The following RSRC1 variants were observed in gnomAD, a reference collection of about 807,000 sequenced individuals.
The protein encoded by RSRC1 is arginine and serine rich coiled-coil 1.
A neutral mutation model predicts 49.1 loss-of-function variants in RSRC1; 39 were observed. The observed-to-expected ratio is 0.79, with a 90% CI of 0.61 to 1.04. The LOEUF is 1.04. Among genes scored for constraint, RSRC1 ranks in the 50% least tolerant of loss-of-function variants. The pLI is 0.00. For missense variants in RSRC1, 388 were observed against 402.4 expected (o/e 0.96, Z 0.31); for synonymous variants, 143 against 130.8 (o/e 1.09, Z -0.63).
intron 3 of RSRC1, among the ~76,000 whole-genome samples, chr3:158,161,726 C>T (rs1718230523): frequency 1.3e-5 from 2 of 152,176 alleles, no homozygotes; most frequent in African/African-American, 4.8e-5. Flanking sequence ...CACGCCACTG[C>T]ACTCCAGTCT....
At chr3:158,425,708 G>A (rs1490271752) in intron 6 of RSRC1, among the ~76,000 whole-genome samples, 1 of 151,912 alleles carries the variant, frequency 6.6e-6, no homozygotes, top group Non-Finnish European at 1.5e-5. Context: ...TTATTAATGT[G>A]TGGGAGTCTA....
At chr3:158,422,477 G>A (rs1050433573) in intron 6 of RSRC1, among the ~76,000 whole-genome samples, 1 of 150,994 alleles carries the variant, frequency 6.6e-6, no homozygotes, top group Non-Finnish European at 1.5e-5. Context: ...GTCTATCATT[G>A]TTGGACATTT....
At position 158,175,198 on chromosome 3, in the gene RSRC1, GT is replaced by G. The variant is rs1005997629; in HGVS notation, c.321-27866del. 4.6e-5 allele frequency among the ~76,000 whole-genome samples: 7 copies of G among 150,726 alleles called. No homozygotes were observed. The East Asian group carries it at 7.9e-4, about 17-fold the overall frequency. On this transcript the variant is annotated intron_variant, in intron 3 of 9. Coordinates refer to ENST00000611884, the MANE Select transcript of RSRC1 (RefSeq NM_001271838.2). ...TAATGATTTGTGGCAGTTTTTAAGG[GT>G]TTTTTTTCATATATTCTGGTTATAA...
intron 3 of RSRC1, among the ~76,000 whole-genome samples, chr3:158,134,527 T>G (rs1427038980): frequency 6.6e-6 from 1 of 152,208 alleles, no homozygotes; most frequent in Non-Finnish European, 1.5e-5. Flanking sequence ...TCCTTTAGAT[T>G]AGTCATTTTG....
At chr3:158,169,106 GC>G in intron 3 of RSRC1, among the ~76,000 whole-genome samples, 1 of 152,220 alleles carries the variant, frequency 6.6e-6, no homozygotes, top group East Asian at 1.9e-4. Context: ...GCGTGATGCT[GC>G]CTTTCCCTTT....
At chr3:158,183,454 A>T (rs966530428) in intron 3 of RSRC1, among the ~76,000 whole-genome samples, 1 of 152,102 alleles carries the variant, frequency 6.6e-6, no homozygotes, top group Non-Finnish European at 1.5e-5. Context: ...TTTATAGGTT[A>T]TTCATTGTAA....
Position 158,537,720 on chromosome 3 carries a change from C to T in RSRC1, c.759+522C>T, listed in dbSNP as rs1712792343. 4.6e-5 allele frequency among the ~76,000 whole-genome samples: 7 copies of T among 151,616 alleles called. No homozygotes were observed. In the South Asian group the frequency reaches 1.4e-3, roughly 31 times the overall value. On this transcript the variant is annotated intron_variant, in intron 8 of 9. Transcript: ENST00000611884. The stretch of plus-strand genomic sequence containing the variant: ...ATTCTTTCATTCATTAGTAGGACTG[C>T]TTTTAGGAATTAGGTTTCTATAGTA...
In RSRC1 at chr3:158,468,095, G is replaced by A. The variant is rs568172571; in HGVS notation, c.652+7092G>A. On this transcript the variant is annotated intron_variant, in intron 7 of 9. Transcript: ENST00000611884. Reference sequence around the variant, plus strand: ...ACTACAGGTGCCTGCCACCATGCCCGGCTAATTTTTTGTATTTTTAGTACA... The same window carrying A: ...ACTACAGGTGCCTGCCACCATGCCCAGCTAATTTTTTGTATTTTTAGTACA... Among the ~76,000 whole-genome samples the A allele has an allele frequency of 5.2e-4, 79 of 152,156 alleles. 1 individual carries two copies. The South Asian group carries it at 0.016, about 31-fold the overall frequency.
rs1460271091 is a variant in RSRC1, at chr3:158,349,934, G to A, written c.532-4923G>A. ...GCTGGTTTGGAACTCCCGACCTTGG[G>A]TGATCTGCCTGCCTTGGCCTCCCAA... On this transcript the variant is annotated intron_variant, in intron 5 of 9. Transcript: ENST00000611884. 2.6e-5 allele frequency among the ~76,000 whole-genome samples: 4 copies of A among 151,526 alleles called. No individual in the cohort carries two copies. The East Asian group carries it at 7.8e-4, about 29-fold the overall frequency.
chr3:158,487,544 C>T (rs1738862689), intron 7 of RSRC1, among the ~76,000 whole-genome samples: 1 of 152,096 alleles, frequency 6.6e-6, no homozygotes, highest in South Asian at 2.1e-4. Context: ...TCAACTAAGT[C>T]CTCAACTGGC....
At position 158,505,947 on chromosome 3, in the gene RSRC1, A is replaced by C. The variant is rs186049640; in HGVS notation, c.653-31145A>C. On this transcript the variant is annotated intron_variant, in intron 7 of 9. Coordinates refer to ENST00000611884, the MANE Select transcript of RSRC1 (RefSeq NM_001271838.2). ...ACCAAGCATAGAGGTTTTATCATGC[A>C]GAGATTTACAAACATTTCTTTAAAA... Among the ~76,000 whole-genome samples, 92 of 152,320 alleles carry C rather than the reference A, an allele frequency of 6.0e-4. 2 individuals are homozygous for C. The highest frequency in any genetic ancestry group is 5.2e-3 in the Admixed American group (80 of 15,304).
chr3:158,386,068 G>A (rs1297817068), intron 6 of RSRC1, among the ~76,000 whole-genome samples: 2 of 151,976 alleles, frequency 1.3e-5, no homozygotes, highest in Non-Finnish European at 2.9e-5. Flanking sequence ...CTGATGAAAT[G>A]CGTTTATGTC....
chr3:158,437,250 G>A (rs1213154259), intron 6 of RSRC1, among the ~76,000 whole-genome samples: 2 of 151,966 alleles, frequency 1.3e-5, no homozygotes, highest in Admixed American at 6.6e-5. Flanking sequence ...GATGGAATAA[G>A]TGTTTTCACC....
intron 6 of RSRC1, 28 bp from the exon 7 acceptor site, chr3:158,460,907 T>G: frequency 6.6e-7 from 1 of 1,509,314 alleles, no homozygotes; most frequent in African/African-American, 1.4e-5. Flanking sequence ...ATAAAATAAG[T>G]ACAAAAATTG....
At chr3:158,486,064 T>A (rs1738808383) in intron 7 of RSRC1, among the ~76,000 whole-genome samples, 1 of 152,174 alleles carries the variant, frequency 6.6e-6, no homozygotes, top group Admixed American at 6.6e-5. Flanking sequence ...CTCTAAGTAT[T>A]TAGCAATACT....
chr3:158,154,467 A>G (rs1158828312), intron 3 of RSRC1, among the ~76,000 whole-genome samples: 1 of 132,262 alleles, frequency 7.6e-6, no homozygotes, highest in African/African-American at 2.6e-5. Flanking sequence ...CGATCATAGA[A>G]CTTTTTTTTT....
Position 158,203,167 on chromosome 3 carries a change from G to GT in RSRC1, c.417dup (p.Lys140Ter). 1.9e-6 allele frequency: 3 copies of GT among 1,613,434 alleles called. No individual in the cohort carries two copies. The highest frequency in any genetic ancestry group is 1.7e-6 in the Non-Finnish European group (2 of 1,179,652). ...AGTCGGTCTCGGGATAGAGAACGAC[G>GT]TAAGGGCAGAGATAAAGAGAAAAGA... On this transcript the variant is annotated frameshift_variant, in exon 4 of 10. Transcript: ENST00000611884. LOFTEE classifies it high-confidence loss of function.
intron 4 of RSRC1, among the ~76,000 whole-genome samples, chr3:158,265,747 G>T (rs532858183): frequency 6.6e-6 from 1 of 152,164 alleles, no homozygotes; most frequent in Admixed American, 6.5e-5. Flanking sequence ...TTGATAAATT[G>T]CAATTTATCA....
At chr3:158,135,967 A>C (rs1716346465) in intron 3 of RSRC1, among the ~76,000 whole-genome samples, 2 of 152,226 alleles carry the variant, frequency 1.3e-5, no homozygotes, top group Non-Finnish European at 2.9e-5. Flanking sequence ...AATTTTAGCA[A>C]GCATGGTAAA....
Sources: gnomAD v4.1 joint callset for allele counts (sites outside exome capture counted in the v4.1 genomes callset) on GRCh38, gnomAD v4.1.1 for gene constraint, MANE v1.5 for transcripts, NCBI Gene and HGNC (gene_info 2026-07-23, HGNC 2026-07-21) for gene names.